THNSL1: variants seen among roughly 807,000 people sequenced by gnomAD.
The protein encoded by THNSL1 is threonine synthase-like 1.
THNSL1 carries 48 observed loss-of-function variants against 50.4 expected under a neutral mutation model. The observed-to-expected ratio is 0.95, with a 90% CI of 0.76 to 1.21. The LOEUF (loss-of-function observed/expected upper bound fraction) is 1.21. THNSL1 is among the 50% of genes most tolerant of loss of function. The probability of loss-of-function intolerance (pLI) is 0.00; values close to 1 mark genes in which losing one functional copy is unlikely to be tolerated. For missense variants in THNSL1, 896 were observed against 871.7 expected (o/e 1.03, Z -0.35); for synonymous variants, 309 against 306.1 (o/e 1.01, Z -0.10).
At chr10:24,981,596 G>T in the THNSL1 span, among the ~76,000 whole-genome samples, 2 of 152,248 alleles carry the variant, frequency 1.3e-5, no homozygotes, top group South Asian at 4.2e-4. Flanking sequence ...AAAGGACTAT[G>T]GAATTGAGAG....
At chr10:24,966,757 T>A in the THNSL1 span, among the ~76,000 whole-genome samples, 1 of 152,166 alleles carries the variant, frequency 6.6e-6, no homozygotes, top group South Asian at 2.1e-4. Context: ...GATGGTGAGA[T>A]CTTGGACAAT....
rs1175405684 is a variant in THNSL1, at chr10:25,023,773, GACTT to G, written c.556_559del (p.Leu186AsnfsTer26). On this transcript the variant is annotated frameshift_variant, in exon 3 of 3. Transcript: ENST00000376356. LOFTEE classifies it high-confidence loss of function. Reference sequence around the variant, plus strand: ...TCAGAATTCTGGAACATCTATGAAAGACTTACTTAAATTTAGAAGACAGTATTAT... The same window carrying G: ...TCAGAATTCTGGAACATCTATGAAAGACTTAAATTTAGAAGACAGTATTAT... 3 of 1,613,988 alleles carry G rather than the reference GACTT, an allele frequency of 1.9e-6. No individual in the cohort carries two copies. Among genetic ancestry groups the G allele is most frequent in the South Asian group, 1.1e-5 (1 of 91,026 alleles).
At chr10:25,002,424 T>A in the THNSL1 span, among the ~76,000 whole-genome samples, 1 of 152,200 alleles carries the variant, frequency 6.6e-6, no homozygotes, top group Admixed American at 6.5e-5. Context: ...TCAGGGAGAC[T>A]CCTAGGCTTT....
At chr10:25,012,730 G>T (rs1036521128), upstream of THNSL1, among the ~76,000 whole-genome samples, 19 of 152,198 alleles carry the variant, frequency 1.2e-4, no homozygotes, top group Non-Finnish European at 1.2e-4. Context: ...TTATATGCTT[G>T]TAGGCAGAAG....
upstream of THNSL1, among the ~76,000 whole-genome samples, chr10:25,012,153 T>C (rs2087782): frequency 0.34 from 51,082 of 152,150 alleles, 8,845 homozygotes; most frequent in East Asian, 0.5. Context: ...AAGTCAAGAA[T>C]TGAGGTTTGG....
chr10:24,996,203 G>A, the THNSL1 span, among the ~76,000 whole-genome samples: 7 of 152,190 alleles, frequency 4.6e-5, no homozygotes, highest in East Asian at 1.9e-4. Flanking sequence ...TGGGCAGATC[G>A]CTTGAGCTCA....
chr10:24,975,137 A>G, the THNSL1 span, among the ~76,000 whole-genome samples: 4 of 152,100 alleles, frequency 2.6e-5, no homozygotes, highest in African/African-American at 9.7e-5. Context: ...GGCTGTGTTG[A>G]GCCATCGAGC....
chr10:25,012,982 T>C (rs573188398), upstream of THNSL1, among the ~76,000 whole-genome samples: 2 of 152,256 alleles, frequency 1.3e-5, no homozygotes, highest in East Asian at 1.9e-4. Flanking sequence ...GATAGGTAAT[T>C]GAATCATGGG....
At chr10:24,952,649 G>A in the THNSL1 span, 29 of 1,252,692 alleles carry the variant, frequency 2.3e-5, no homozygotes, top group African/African-American at 3.8e-4. This position sits in a 1 kb window ranked among gnomAD's most constrained non-coding sequence, Gnocchi z 5.1. Flanking sequence ...CGTGGGGGAT[G>A]GGACGTGGGG....
Position 25,016,648 on chromosome 10 carries a change from C to G in THNSL1, c.-260C>G, listed in dbSNP as rs116453055. ...GCACGCTGGCCGCCGCAGGCACAGG[C>G]GCAGAGTCCACTGCGCGGGGGCGGG... On this transcript the variant is annotated 5_prime_UTR_variant, in exon 1 of 3. Transcript: ENST00000376356. 1.3e-5 allele frequency: 2 copies of G among 152,472 alleles called. No homozygotes were observed. The highest frequency in any genetic ancestry group is 1.3e-4 in the Admixed American group (2 of 15,292). The allele number at this position is 152,472 out of a possible 1,614,324, so 9.4% of individuals were successfully genotyped here.
the THNSL1 span, among the ~76,000 whole-genome samples, chr10:24,998,468 G>A: frequency 6.6e-6 from 1 of 151,548 alleles, no homozygotes; most frequent in Non-Finnish European, 1.5e-5. Flanking sequence ...TCGAACTCTT[G>A]GGCTCAAGCG....
chr10:25,025,214 C>A lies in THNSL1; in HGVS notation c.1991C>A (p.Ser664Tyr), dbSNP rs1404954156. ...AAAACTTGCCCTGTGATTATCTCAT[C>A]TACAGCCCATTACTCAAAGTTTGCA... is the stretch of plus-strand genomic sequence containing the variant. ...QDKTCPVIIS[S>Y]TAHYSKFAPA... The change falls in exon 3 of 3, where the codon TCT becomes TAT. Residue 664 changes from serine (S) to tyrosine (Y), a missense_variant. Ser to Tyr is a moderately radical substitution (Grantham distance 144). Transcript: ENST00000376356. 1 of 1,614,208 alleles carries A rather than the reference C, an allele frequency of 6.2e-7. No individual in the cohort carries two copies. Among genetic ancestry groups the A allele is most frequent in the South Asian group, 1.1e-5 (1 of 91,084 alleles).
the THNSL1 span, among the ~76,000 whole-genome samples, chr10:24,977,627 A>G: frequency 6.6e-6 from 1 of 152,236 alleles, no homozygotes; most frequent in South Asian, 2.1e-4. Context: ...AATATGTATT[A>G]ATAAAAAAAT....
chr10:25,016,234 CTCTTTCT>C (rs1850569199), upstream of THNSL1: 7 of 1,063,140 alleles, frequency 6.6e-6, no homozygotes, highest in Admixed American at 5.1e-5. Context: ...CCCCTCTTCC[CTCTTTCT>C]GCAGCGCCTT....
At chr10:24,995,637 C>T in the THNSL1 span, 6 of 1,604,572 alleles carry the variant, frequency 3.7e-6, no homozygotes, top group South Asian at 2.3e-5. Context: ...TAATATACCA[C>T]AAGGCTACCT....
At position 25,025,858 on chromosome 10, in the gene THNSL1, C is replaced by T. The variant is rs1850840909; in HGVS notation, c.*403C>T. The T allele has an allele frequency of 5.8e-6, 1 of 172,408 alleles. No individual in the cohort carries two copies. Among genetic ancestry groups the T allele is most frequent in the African/African-American group, 2.4e-5 (1 of 41,592 alleles). 10.7% of individuals were successfully genotyped at this position (172,408 alleles called of 1,614,324 possible). The stretch of plus-strand genomic sequence containing the variant: ...TGTTGATTAGAAAGTTAATTTACCA[C>T]TCAAAATGGCTAACTTGAATGGAGG... On this transcript the variant is annotated 3_prime_UTR_variant, in exon 3 of 3. Transcript: ENST00000376356.
chr10:24,985,151 T>C, the THNSL1 span, among the ~76,000 whole-genome samples: 1 of 152,204 alleles, frequency 6.6e-6, no homozygotes, highest in African/African-American at 2.4e-5. Flanking sequence ...CTTTTGTTGT[T>C]ACTGTACTTG....
In THNSL1 at chr10:25,024,954, C is replaced by G. The variant is rs543682774; in HGVS notation, c.1731C>G (p.His577Gln). Reference sequence around the variant, plus strand: ...CTTCAAACCTAGAACGACATTTACACTTGATGGCTAATAAAGATGGACAGC... The same window carrying G: ...CTTCAAACCTAGAACGACATTTACAGTTGATGGCTAATAAAGATGGACAGC... Reference protein sequence around the residue: ...LKSSNLERHLHLMANKDGQLM... With the variant: ...LKSSNLERHLQLMANKDGQLM... Residue 577 changes from histidine (H) to glutamine (Q), a missense_variant, in exon 3 of 3, where the codon CAC (histidine) becomes CAG (glutamine). By Grantham distance (24) the His-to-Gln change is conservative. Transcript: ENST00000376356. The G allele has an allele frequency of 1.2e-6, 2 of 1,614,086 alleles. No homozygotes were observed. The highest frequency in any genetic ancestry group is 1.7e-6 in the Non-Finnish European group (2 of 1,180,032).
chr10:25,025,008 AAGTC>A lies in THNSL1; in HGVS notation c.1788_1791del (p.Gln597IlefsTer5), dbSNP rs1564350831. 43 of 1,614,212 alleles carry A rather than the reference AAGTC, an allele frequency of 2.7e-5. No individual in the cohort carries two copies. The highest frequency in any genetic ancestry group is 3.1e-5 in the Non-Finnish European group (36 of 1,180,024). On this transcript the variant is annotated frameshift_variant, in exon 3 of 3. Coordinates refer to ENST00000376356, the MANE Select transcript of THNSL1 (RefSeq NM_024838.5). LOFTEE classifies it high-confidence loss of function. ...TGACAGAATTATTTAATCGATTAGA[AAGTC>A]AGCATCATTTCCAGATAGAAAAGGC...
Sources: allele counts gnomAD v4.1 joint callset (sites outside exome capture counted in the v4.1 genomes callset), GRCh38; gene constraint gnomAD v4.1.1; non-coding constraint Gnocchi (gnomAD v3.1); transcripts MANE v1.5; gene names NCBI Gene and HGNC (gene_info 2026-07-23, HGNC 2026-07-21).